The following SLC5A1 variants were observed in gnomAD, a reference collection of about 807,000 sequenced individuals.
SLC5A1 encodes sodium/glucose cotransporter 1.
Under a neutral mutation model 73.5 loss-of-function variants are expected in SLC5A1, and 42 were observed. That is an observed-to-expected ratio of 0.57 (90% confidence interval 0.45 to 0.74). SLC5A1 has a LOEUF of 0.74. SLC5A1 is among the 30% of genes least tolerant of loss of function. SLC5A1 has a pLI of 0.00. For missense variants in SLC5A1, 634 were observed against 855.4 expected, an observed-to-expected ratio of 0.74 and a Z score of 3.23; for synonymous variants, 300 against 317.4, an observed-to-expected ratio of 0.95 and a Z score of 0.58.
rs1251637774 is a variant in SLC5A1, at chr22:32,110,029, G to C, written c.1811G>C (p.Arg604Thr). The C allele has an allele frequency of 1.2e-6, 2 of 1,614,014 alleles. No homozygotes were observed. The highest frequency in any genetic ancestry group is 1.7e-6 in the Non-Finnish European group (2 of 1,180,004). Residue 604 changes from arginine to threonine, a missense_variant, in exon 15 of 15, where the codon AGA becomes ACA. By Grantham distance (71) the Arg-to-Thr change is moderately conservative. This residue lies in a region of SLC5A1 where 161 missense variants were observed against 178.7 expected (regional missense o/e 0.90). Transcript: ENST00000266088. ...VPEKKKGIFR[R>T]AYDLFCGLEQ... ...GAGAAGAAAAAAGGAATCTTCAGGA[G>C]AGCCTATGACCTATTTTGTGGGCTA...
chr22:32,104,693 C>A, intron 13 of SLC5A1, 93 bp from the exon 14 acceptor site: 2 of 859,132 alleles, frequency 2.3e-6, no homozygotes, highest in Non-Finnish European at 3.9e-6. Flanking sequence ...ACATTCCCTT[C>A]CCTTCCTTGA....
intron 5 of SLC5A1, among the ~76,000 whole-genome samples, chr22:32,076,816 A>T (rs1468744598): frequency 6.6e-6 from 1 of 152,220 alleles, no homozygotes; most frequent in Admixed American, 6.5e-5. Flanking sequence ...TCCCAATCAG[A>T]GACTCAGTTA....
intron 9 of SLC5A1, among the ~76,000 whole-genome samples, chr22:32,085,546 CT>C (rs35772243): frequency 0.14 from 17,025 of 119,036 alleles, 730 homozygotes; most frequent in Non-Finnish European, 0.18. Context: ...TTGTTTCCTC[CT>C]TTTTTTTTTT....
rs371975247 is a variant in SLC5A1 at position 32,081,000 on chromosome 22, A to C, written c.478-866A>C. Among the ~76,000 whole-genome samples the C allele has an allele frequency of 3.0e-4, 45 of 152,234 alleles. 1 individual carries two copies. The South Asian group carries it at 8.9e-3, about 30-fold the overall frequency. On this transcript the variant is annotated intron_variant, in intron 5 of 14. Transcript: ENST00000266088. ...CAGAGTGAGACTCTGTCAAAAAATA[A>C]ATAAATAAAAAAGACTCACCATGAT...
chr22:32,061,938 A>C (rs2093963800), intron 2 of SLC5A1, among the ~76,000 whole-genome samples: 1 of 152,170 alleles, frequency 6.6e-6, no homozygotes, highest in Non-Finnish European at 1.5e-5. Flanking sequence ...TCGATGAGGA[A>C]CAGACACATG....
intron 14 of SLC5A1, among the ~76,000 whole-genome samples, chr22:32,107,544 C>T (rs1421035131): frequency 6.6e-6 from 1 of 152,210 alleles, no homozygotes; most frequent in Non-Finnish European, 1.5e-5. Flanking sequence ...ACCCATGCCT[C>T]TTATGCTCTG....
intron 11 of SLC5A1, among the ~76,000 whole-genome samples, chr22:32,097,740 CTTAGT>C (rs1244379132): frequency 6.6e-6 from 1 of 152,194 alleles, no homozygotes; most frequent in African/African-American, 2.4e-5. Context: ...TTTACTCTCA[CTTAGT>C]TAACTATCAC....
chr22:32,103,179 A>G (rs2094039491), intron 13 of SLC5A1, among the ~76,000 whole-genome samples: 1 of 152,188 alleles, frequency 6.6e-6, no homozygotes, highest in Non-Finnish European at 1.5e-5. Flanking sequence ...GATAATTTAC[A>G]TTCTCACCAA....
chr22:32,067,138 C>T, intron 3 of SLC5A1, 99 bp downstream of exon 3: 1 of 972,106 alleles, frequency 1.0e-6, no homozygotes, highest in Non-Finnish European at 1.6e-6. Flanking sequence ...GTTAGGGAAC[C>T]CTTCAGGGTC....
intron 10 of SLC5A1, among the ~76,000 whole-genome samples, chr22:32,090,472 T>A (rs556908022): frequency 6.6e-6 from 1 of 152,322 alleles, no homozygotes; most frequent in East Asian, 1.9e-4. Flanking sequence ...TCCTAGCATG[T>A]ATTTGTATGT....
At chr22:32,089,964 C>T (rs1002804729) in intron 10 of SLC5A1, among the ~76,000 whole-genome samples, 8 of 151,976 alleles carry the variant, frequency 5.3e-5, no homozygotes, top group African/African-American at 1.2e-4. Flanking sequence ...ACAAGAGTTC[C>T]GTATTCCTAT....
At chr22:32,049,725 T>C (rs1910331263) in intron 1 of SLC5A1, among the ~76,000 whole-genome samples, 1 of 152,056 alleles carries the variant, frequency 6.6e-6, no homozygotes, top group Non-Finnish European at 1.5e-5. Flanking sequence ...TACAGTAAGC[T>C]GTATGTATCT....
chr22:32,058,172 T>C (rs1430668850), intron 2 of SLC5A1, among the ~76,000 whole-genome samples: 1 of 152,190 alleles, frequency 6.6e-6, no homozygotes, highest in African/African-American at 2.4e-5. Context: ...TATAGGTTTG[T>C]ATCTCCTCAT....
At chr22:32,109,212 G>A (rs1342782836) in intron 14 of SLC5A1, among the ~76,000 whole-genome samples, 1 of 152,068 alleles carries the variant, frequency 6.6e-6, no homozygotes, top group African/African-American at 2.4e-5. Context: ...TTGTAAAAAT[G>A]GGAAAGTGCT....
chr22:32,060,144 T>TACAC (rs61064953), intron 2 of SLC5A1, among the ~76,000 whole-genome samples: 1,814 of 125,070 alleles, frequency 0.015, 16 homozygotes, highest in African/African-American at 0.018. Context: ...TATATACACA[T>TACAC]ACACACACAC....
At chr22:32,049,863 C>A (rs1384239933) in intron 1 of SLC5A1, 80 bp from the exon 2 acceptor site, 2 of 1,093,560 alleles carry the variant, frequency 1.8e-6, no homozygotes, top group South Asian at 1.2e-5. Flanking sequence ...AGAAGGTGCA[C>A]GAATGGGGAG....
intron 14 of SLC5A1, among the ~76,000 whole-genome samples, chr22:32,109,468 G>A (rs546104681): frequency 9.2e-5 from 14 of 152,258 alleles, no homozygotes; most frequent in Middle Eastern, 3.4e-3. Flanking sequence ...TCATTGCTGC[G>A]CCGCAACAGG....
intron 1 of SLC5A1, 35 bp from the exon 2 acceptor site, chr22:32,049,908 G>A (rs2093943038): frequency 1.3e-6 from 2 of 1,589,616 alleles, no homozygotes; most frequent in Non-Finnish European, 1.7e-6. Context: ...CACTCTTCTA[G>A]TTTTCGATTA....
chr22:32,070,414 C>A (rs930508791), intron 5 of SLC5A1, among the ~76,000 whole-genome samples: 5 of 151,394 alleles, frequency 3.3e-5, no homozygotes, highest in Admixed American at 2.6e-4. Context: ...CTCAGTGCAG[C>A]CTCTACCTCC....
Sources: allele counts gnomAD v4.1 joint callset (sites outside exome capture counted in the v4.1 genomes callset), GRCh38; gene constraint gnomAD v4.1.1; regional missense constraint gnomAD v4.1.1; transcripts MANE v1.5; gene names NCBI Gene and HGNC (gene_info 2026-07-23, HGNC 2026-07-21).